FGD4: variants seen among roughly 807,000 people sequenced by gnomAD.
FGD4 encodes FYVE, RhoGEF and PH domain containing 4.
Under a neutral mutation model 102.0 loss-of-function variants are expected in FGD4, and 42 were observed. The ratio of observed to expected loss-of-function variants is 0.41; its 90% CI spans 0.32 to 0.53. FGD4 has a LOEUF of 0.53. Among genes scored for constraint, FGD4 ranks in the 20% least tolerant of loss-of-function variants. FGD4 has a pLI of 0.21. For synonymous variants in FGD4, 380 were observed against 375.7 expected (o/e 1.01, Z -0.13); for missense variants, 902 against 1,078.2 (o/e 0.84, Z 2.29).
rs138900314 is a variant in FGD4 at position 32,456,476 on chromosome 12, G to A, written c.166+56517G>A. Among the ~76,000 whole-genome samples, 17 of 152,234 alleles carry A rather than the reference G, an allele frequency of 1.1e-4. No individual in the cohort carries two copies. In the East Asian group the frequency reaches 2.7e-3, roughly 24 times the overall value. On this transcript the variant is annotated intron_variant, in intron 1 of 16. Transcript: ENST00000534526. ...TGTAGTAAAAGGATACTACCCCTTG[G>A]TTGTTGGAATTGCCAGCTTTGGGAG...
chr12:32,466,104 G>T (rs544964071), intron 1 of FGD4, among the ~76,000 whole-genome samples: 1 of 152,252 alleles, frequency 6.6e-6, no homozygotes, highest in East Asian at 1.9e-4. Flanking sequence ...TAAGGATGTC[G>T]ATTGTTTTTT....
chr12:32,474,562 C>T (rs908416001), intron 1 of FGD4, among the ~76,000 whole-genome samples: 2 of 152,062 alleles, frequency 1.3e-5, no homozygotes, highest in Non-Finnish European at 2.9e-5. Context: ...GAAAGATTAG[C>T]GTTGCTTAGG....
intron 10 of FGD4, among the ~76,000 whole-genome samples, chr12:32,611,799 G>A (rs1949154670): frequency 6.6e-6 from 1 of 152,206 alleles, no homozygotes; most frequent in African/African-American, 2.4e-5. Context: ...TGGCCCATCT[G>A]GAGCAGTTGC....
At chr12:32,429,217 A>G (rs138115936) in intron 1 of FGD4, among the ~76,000 whole-genome samples, 104 of 152,242 alleles carry the variant, frequency 6.8e-4, no homozygotes, top group African/African-American at 2.5e-3. Flanking sequence ...CTATGTGAAC[A>G]TCTTTTTTGT....
At chr12:32,610,039 A>G (rs1949045070) in intron 8 of FGD4, among the ~76,000 whole-genome samples, 1 of 152,196 alleles carries the variant, frequency 6.6e-6, no homozygotes, top group Non-Finnish European at 1.5e-5. Flanking sequence ...CACCCGACCC[A>G]GGCTAGAACT....
At position 32,406,805 on chromosome 12, in the gene FGD4, T is replaced by G. The variant is rs549459845; in HGVS notation, c.166+6846T>G. Among the ~76,000 whole-genome samples, 174 of 152,024 alleles carry G rather than the reference T, an allele frequency of 1.1e-3. 2 individuals carry two copies. The highest frequency in any genetic ancestry group is 1.9e-3 in the South Asian group (9 of 4,818). On this transcript the variant is annotated intron_variant, in intron 1 of 16. Transcript: ENST00000534526. ...GGGTAGGGTTAGAGAAGCTGTTTTTTTTTGTTTGTTTGCTTTTTGTTTTTT... is the reference window on the plus strand; with the variant it reads ...GGGTAGGGTTAGAGAAGCTGTTTTTGTTTGTTTGTTTGCTTTTTGTTTTTT...
chr12:32,527,461 A>T (rs1158453391), intron 1 of FGD4, among the ~76,000 whole-genome samples: 1 of 151,446 alleles, frequency 6.6e-6, no homozygotes, highest in Non-Finnish European at 1.5e-5. Context: ...ACAGAGTCTC[A>T]CTTTGTTGTC....
At chr12:32,601,481 T>G in intron 6 of FGD4, 58 bp downstream of exon 6, 1 of 1,552,590 alleles carries the variant, frequency 6.4e-7, no homozygotes, top group South Asian at 1.2e-5. Context: ...ATTTTTCAGC[T>G]TTTAAATTGA....
At chr12:32,593,055 C>T (rs1947608760) in intron 4 of FGD4, among the ~76,000 whole-genome samples, 1 of 152,070 alleles carries the variant, frequency 6.6e-6, no homozygotes, top group African/African-American at 2.4e-5. Flanking sequence ...CATGTACTTG[C>T]CTATATGATA....
At chr12:32,551,897 T>C (rs1421683297) in intron 1 of FGD4, among the ~76,000 whole-genome samples, 6 of 152,212 alleles carry the variant, frequency 3.9e-5, no homozygotes, top group Non-Finnish European at 7.3e-5. Flanking sequence ...ATTTATCTTA[T>C]CCTGTGGAAT....
intron 1 of FGD4, among the ~76,000 whole-genome samples, chr12:32,500,114 G>T (rs1938076874): frequency 6.6e-6 from 1 of 152,218 alleles, no homozygotes; most frequent in South Asian, 2.1e-4. Flanking sequence ...GGGAGGTGGT[G>T]TAGCGCAATG....
intron 1 of FGD4, among the ~76,000 whole-genome samples, chr12:32,521,039 G>C (rs1214330479): frequency 6.6e-6 from 1 of 152,110 alleles, no homozygotes; most frequent in Non-Finnish European, 1.5e-5. Context: ...TGAAAACAAT[G>C]TGCATGGGAG....
In FGD4 at chr12:32,625,779, TGTAA is replaced by T. The variant is rs754263891; in HGVS notation, c.2172+3_2172+6del. 2.2e-5 allele frequency: 35 copies of T among 1,613,884 alleles called. No homozygotes were observed. The highest frequency in any genetic ancestry group is 2.8e-5 in the Non-Finnish European group (33 of 1,179,932). Reference sequence around the variant, plus strand: ...GGCATCATTGTCGAGCATGTGGATATGTAAGTGAGATTTCTTGATCATTAAGGTT... The same window carrying T: ...GGCATCATTGTCGAGCATGTGGATATGTGAGATTTCTTGATCATTAAGGTT... On this transcript the variant is annotated splice_donor_variant and splice_donor_region_variant and intron_variant, in intron 14 of 16. Transcript: ENST00000534526. LOFTEE classifies it high-confidence loss of function.
intron 1 of FGD4, among the ~76,000 whole-genome samples, chr12:32,435,893 G>A (rs529360724): frequency 3.3e-5 from 5 of 152,312 alleles, no homozygotes; most frequent in African/African-American, 2.4e-5. Context: ...AAGGAGAGCT[G>A]AGAACATAAC....
At chr12:32,469,662 CTTT>C (rs1943362929) in intron 1 of FGD4, among the ~76,000 whole-genome samples, 1 of 149,378 alleles carries the variant, frequency 6.7e-6, no homozygotes, top group African/African-American at 2.4e-5. Context: ...TCTTTTTCTT[CTTT>C]GTTTTTTTTT....
intron 1 of FGD4, among the ~76,000 whole-genome samples, chr12:32,549,392 C>T (rs923295230): frequency 1.3e-5 from 2 of 152,134 alleles, no homozygotes; most frequent in African/African-American, 4.8e-5. Flanking sequence ...GGCAAACACC[C>T]ACAGAAGTTA....
chr12:32,610,692 T>C (rs570923019), intron 8 of FGD4, 84 bp from the exon 9 acceptor site: 252 of 1,273,068 alleles, frequency 2.0e-4, no homozygotes, highest in Non-Finnish European at 2.7e-4. Context: ...GTCTCAGACT[T>C]CTTAATTTAG....
At chr12:32,503,171 A>T (rs1172302921) in intron 1 of FGD4, among the ~76,000 whole-genome samples, 2 of 152,134 alleles carry the variant, frequency 1.3e-5, no homozygotes. Flanking sequence ...AAACAAAAAG[A>T]GTGCTGTCTA....
chr12:32,604,792 G>T (rs984366072), intron 7 of FGD4, among the ~76,000 whole-genome samples: 2 of 152,164 alleles, frequency 1.3e-5, no homozygotes, highest in Non-Finnish European at 2.9e-5. Context: ...GCAGCCACAG[G>T]CTAGAATGCC....
Sources: allele counts gnomAD v4.1 joint callset (sites outside exome capture counted in the v4.1 genomes callset), GRCh38; gene constraint gnomAD v4.1.1; transcripts MANE v1.5; gene names NCBI Gene and HGNC (gene_info 2026-07-23, HGNC 2026-07-21).